Variants in IP6K1 observed in about 807,000 individuals in gnomAD.
IP6K1 encodes ATP:1D-myo-inositol-hexakisphosphate phosphotransferase.
Under a neutral mutation model 38.3 loss-of-function variants are expected in IP6K1, and 13 were observed. The observed-to-expected ratio is 0.34, with a 90% CI of 0.22 to 0.54. IP6K1 has a LOEUF of 0.54. Among genes scored for constraint, IP6K1 ranks in the 20% least tolerant of loss-of-function variants. The pLI is 0.92. For synonymous variants in IP6K1, 212 were observed against 229.9 expected, an observed-to-expected ratio of 0.92 and a Z score of 0.70; for missense variants, 397 against 599.8, an observed-to-expected ratio of 0.66 and a Z score of 3.53.
rs372861687 is a variant in IP6K1 at position 49,738,234 on chromosome 3, G to A, written c.412C>T (p.Leu138=). ...GSDHKEEKAS[L]SLETSESSQE... ...TACCTCTCAGAGGTCTCAAGGGACA[G>A]GCTGGCTTTCTCCTCCTTGTGGTCA... Residue 138 remains leucine (L), a synonymous_variant, in exon 3 of 6, where the codon CTG becomes TTG. Transcript: ENST00000321599. 19 of 1,614,168 alleles carry A rather than the reference G, an allele frequency of 1.2e-5. No homozygotes were observed. The highest frequency in any genetic ancestry group is 1.6e-5 in the Non-Finnish European group (19 of 1,179,988).
chr3:49,763,962 C>G (rs2080887649), intron 1 of IP6K1, among the ~76,000 whole-genome samples: 1 of 152,136 alleles, frequency 6.6e-6, no homozygotes, highest in Admixed American at 6.6e-5. Flanking sequence ...GCAAAGGTTG[C>G]AGTGAGTCAA....
At chr3:49,773,437 C>A (rs1462704616) in intron 1 of IP6K1, among the ~76,000 whole-genome samples, 1 of 152,082 alleles carries the variant, frequency 6.6e-6, no homozygotes, top group Non-Finnish European at 1.5e-5. Context: ...AGTGAAACCC[C>A]ATCTCTACTA....
intron 1 of IP6K1, among the ~76,000 whole-genome samples, chr3:49,749,134 T>TGCTC (rs1559707665): frequency 6.6e-6 from 1 of 152,206 alleles, no homozygotes; most frequent in Non-Finnish European, 1.5e-5. Flanking sequence ...TTTGCTTGCT[T>TGCTC]GCTCGCCTAC....
chr3:49,753,716 G>A (rs1052501929), intron 1 of IP6K1, among the ~76,000 whole-genome samples: 1 of 151,874 alleles, frequency 6.6e-6, no homozygotes, highest in East Asian at 1.9e-4. Context: ...AAAATATTAG[G>A]GTTATAAACC....
chr3:49,771,937 G>C (rs186711166), intron 1 of IP6K1, among the ~76,000 whole-genome samples: 1 of 152,136 alleles, frequency 6.6e-6, no homozygotes, highest in Admixed American at 6.6e-5. Flanking sequence ...AGAGTGGCCA[G>C]GCGTGGTGGC....
intron 1 of IP6K1, among the ~76,000 whole-genome samples, chr3:49,783,765 T>C (rs2081088482): frequency 6.6e-6 from 1 of 151,580 alleles, no homozygotes; most frequent in Non-Finnish European, 1.5e-5. Flanking sequence ...ATCCCCCTCC[T>C]TTCAAGAACT....
intron 2 of IP6K1, among the ~76,000 whole-genome samples, chr3:49,739,276 TTTA>T (rs2080643386): frequency 6.6e-6 from 1 of 152,164 alleles, no homozygotes; most frequent in Non-Finnish European, 1.5e-5. Context: ...GCATTTATGG[TTTA>T]TTTTTTGTAG....
intron 1 of IP6K1, among the ~76,000 whole-genome samples, chr3:49,757,525 A>C (rs1227291974): frequency 6.6e-6 from 1 of 151,938 alleles, no homozygotes; most frequent in African/African-American, 2.4e-5. Context: ...GGAGTTTGAG[A>C]CCAGCCTGGG....
chr3:49,776,252 C>T (rs565089092), intron 1 of IP6K1, among the ~76,000 whole-genome samples: 61 of 152,190 alleles, frequency 4.0e-4, no homozygotes, highest in African/African-American at 1.4e-3. Flanking sequence ...TGCAGTGGCA[C>T]ACGCGTGTAA....
At chr3:49,782,320 GCCA>G (rs2081072308) in intron 1 of IP6K1, among the ~76,000 whole-genome samples, 4 of 151,776 alleles carry the variant, frequency 2.6e-5, no homozygotes, top group African/African-American at 9.7e-5. Context: ...ACAGGTGCAC[GCCA>G]CCACACCTGG....
intron 1 of IP6K1, among the ~76,000 whole-genome samples, chr3:49,776,502 GC>G (rs201202687): frequency 0.18 from 27,177 of 150,468 alleles, 2,761 homozygotes; most frequent in African/African-American, 0.26. Context: ...GGGTGACAGG[GC>G]AAGACTCAGT....
intron 1 of IP6K1, among the ~76,000 whole-genome samples, chr3:49,767,302 GGC>G: frequency 6.6e-6 from 1 of 152,074 alleles, no homozygotes; most frequent in South Asian, 2.1e-4. Context: ...TAATTGGCCA[GGC>G]GCGGTGGCTC....
At chr3:49,773,121 G>A (rs1444802603) in intron 1 of IP6K1, among the ~76,000 whole-genome samples, 1 of 152,088 alleles carries the variant, frequency 6.6e-6, no homozygotes, top group Non-Finnish European at 1.5e-5. Context: ...CATTGCACCT[G>A]GCCAATTAAT....
At chr3:49,781,015 A>C (rs781005212) in intron 1 of IP6K1, among the ~76,000 whole-genome samples, 4 of 152,146 alleles carry the variant, frequency 2.6e-5, no homozygotes, top group Non-Finnish European at 5.9e-5. Flanking sequence ...TGTAAAATAC[A>C]GTCCCTGTCA....
intron 1 of IP6K1, among the ~76,000 whole-genome samples, chr3:49,767,309 T>G (rs2080920398): frequency 6.6e-6 from 1 of 151,958 alleles, no homozygotes; most frequent in South Asian, 2.1e-4. Context: ...CCAGGCGCGG[T>G]GGCTCACGCC....
rs898938933 is a variant in IP6K1, at chr3:49,726,806, A to G, written c.*316T>C. The G allele has an allele frequency of 7.0e-6, 3 of 428,948 alleles. No homozygotes were observed. The highest frequency in any genetic ancestry group is 1.2e-5 in the Non-Finnish European group (3 of 243,890). The allele number at this position is 428,948 out of a possible 1,614,324, so 26.6% of individuals were successfully genotyped here. A position where few individuals can be genotyped will look rare whatever the true frequency, so the allele number is the denominator to read the frequency against. ...GCAGCCACAGATCTCAAAGATCTAG[A>G]CAAGAGAAACCAATGTCCAAGGGCA... On this transcript the variant is annotated 3_prime_UTR_variant, in exon 6 of 6. Transcript: ENST00000321599.
chr3:49,786,465 AC>A lies in IP6K1; in HGVS notation c.-241del, dbSNP rs1373554577. 2.6e-5 allele frequency: 4 copies of A among 152,458 alleles called. No homozygotes were observed. The highest frequency in any genetic ancestry group is 9.6e-5 in the African/African-American group (4 of 41,586). 9.4% of individuals were successfully genotyped at this position (152,458 alleles called of 1,614,324 possible). On this transcript the variant is annotated 5_prime_UTR_variant, in exon 1 of 6. Coordinates refer to ENST00000321599, the MANE Select transcript of IP6K1 (RefSeq NM_153273.4). The stretch of plus-strand genomic sequence containing the variant: ...GCAGCACAGGTGGCTGAGCACCGCT[AC>A]AGCGGCCTCTCACCGGCCGCTTGGT...
At chr3:49,774,830 C>A (rs991284561) in intron 1 of IP6K1, among the ~76,000 whole-genome samples, 1 of 151,684 alleles carries the variant, frequency 6.6e-6, no homozygotes, top group Non-Finnish European at 1.5e-5. Flanking sequence ...GTCACTGCAC[C>A]TAGACAAAAT....
chr3:49,767,508 G>A (rs1172205756), intron 1 of IP6K1, among the ~76,000 whole-genome samples: 1 of 152,022 alleles, frequency 6.6e-6, no homozygotes, highest in Non-Finnish European at 1.5e-5. Context: ...TGAACCGGGA[G>A]GCGGAAACTG....
Sources: allele counts gnomAD v4.1 joint callset (sites outside exome capture counted in the v4.1 genomes callset), GRCh38; gene constraint gnomAD v4.1.1; transcripts MANE v1.5; gene names NCBI Gene and HGNC (gene_info 2026-07-23, HGNC 2026-07-21).